IL1RAPL2: variants seen among roughly 807,000 people sequenced by gnomAD.
The protein encoded by IL1RAPL2 is X-linked interleukin-1 receptor accessory protein-like 2.
IL1RAPL2 carries 3 observed loss-of-function variants against 44.1 expected under a neutral mutation model. The observed-to-expected ratio is 0.07, with a 90% CI of 0.03 to 0.18. The LOEUF (loss-of-function observed/expected upper bound fraction) is 0.18. IL1RAPL2 is among the 10% of genes least tolerant of loss of function. The pLI is 1.00. For synonymous variants in IL1RAPL2, 181 were observed against 178.8 expected, an observed-to-expected ratio of 1.01 and a Z score of -0.10; for missense variants, 391 against 496.4, an observed-to-expected ratio of 0.79 and a Z score of 2.02.
At chrX:105,335,413 C>G (rs948549117) in intron 5 of IL1RAPL2, among the ~76,000 whole-genome samples, 2 of 111,262 alleles carry the variant, frequency 1.8e-5, no homozygotes, top group African/African-American at 6.5e-5. Flanking sequence ...CAGTGGGTCT[C>G]TCTGATGCAA....
At chrX:105,197,286 G>A (rs2059262832) in intron 3 of IL1RAPL2, among the ~76,000 whole-genome samples, 1 of 110,741 alleles carries the variant, frequency 9.0e-6, no homozygotes, top group Non-Finnish European at 1.9e-5. Context: ...ATTCCCTAGG[G>A]TGCTGCTACT....
chrX:104,652,619 G>C (rs1930173293), intron 1 of IL1RAPL2, among the ~76,000 whole-genome samples: 1 of 111,634 alleles, frequency 9.0e-6, no homozygotes, highest in Admixed American at 9.5e-5. Flanking sequence ...GATTCATTAA[G>C]TGTTTCAACT....
At chrX:105,761,132 TCA>T (rs1429561113) in intron 10 of IL1RAPL2, among the ~76,000 whole-genome samples, 1 of 96,440 alleles carries the variant, frequency 1.0e-5, no homozygotes, top group Non-Finnish European at 2.0e-5. Flanking sequence ...TGAGCCAAGA[TCA>T]CGCCACTGCA....
intron 2 of IL1RAPL2, among the ~76,000 whole-genome samples, chrX:105,039,592 C>T (rs915181404): frequency 1.8e-5 from 2 of 111,598 alleles, no homozygotes; most frequent in African/African-American, 6.5e-5. Context: ...AAAGAGAGGT[C>T]CTTCACGTCC....
At chrX:105,651,031 T>C (rs1405673798) in intron 6 of IL1RAPL2, among the ~76,000 whole-genome samples, 2 of 112,228 alleles carry the variant, frequency 1.8e-5, no homozygotes, top group African/African-American at 6.5e-5. Context: ...CTTAGGAACC[T>C]AGGCGGATAT....
At chrX:105,024,740 G>T (rs1350693783) in intron 2 of IL1RAPL2, among the ~76,000 whole-genome samples, 1 of 111,373 alleles carries the variant, frequency 9.0e-6, no homozygotes, top group African/African-American at 3.2e-5. Context: ...TAGCTTCTGG[G>T]AGATGTGTTG....
chrX:105,071,882 CT>C (rs1471255831), intron 2 of IL1RAPL2, among the ~76,000 whole-genome samples: 1 of 111,555 alleles, frequency 9.0e-6, no homozygotes, highest in African/African-American at 3.3e-5. Flanking sequence ...GTATCAAAGA[CT>C]TAAATATAAG....
At chrX:105,009,311 G>T (rs2031002514) in intron 2 of IL1RAPL2, among the ~76,000 whole-genome samples, 1 of 110,636 alleles carries the variant, frequency 9.0e-6, no homozygotes, top group Non-Finnish European at 1.9e-5. Context: ...TATGTTTATT[G>T]CAGCACTATT....
intron 2 of IL1RAPL2, among the ~76,000 whole-genome samples, chrX:104,929,512 C>T (rs1216471729): frequency 8.9e-6 from 1 of 111,778 alleles, no homozygotes; most frequent in African/African-American, 3.3e-5. Flanking sequence ...CACTGTCTTA[C>T]CTCAAGTGTC....
chrX:105,079,857 CA>C (rs1381710449), intron 2 of IL1RAPL2, among the ~76,000 whole-genome samples: 1 of 111,282 alleles, frequency 9.0e-6, no homozygotes, highest in African/African-American at 3.3e-5. Context: ...TCCTCTCCAG[CA>C]TCTGTTGTTT....
chrX:104,679,486 A>G (rs1335909780), intron 2 of IL1RAPL2, among the ~76,000 whole-genome samples: 1 of 112,207 alleles, frequency 8.9e-6, no homozygotes, highest in Non-Finnish European at 1.9e-5. Context: ...AACAAGGAAG[A>G]GAATAAACAG....
At chrX:105,680,245 C>T (rs898507020) in intron 6 of IL1RAPL2, among the ~76,000 whole-genome samples, 1 of 111,730 alleles carries the variant, frequency 9.0e-6, no homozygotes, top group Non-Finnish European at 1.9e-5. Flanking sequence ...GTGGTCCGCC[C>T]GCCTCGTCCT....
At chrX:104,991,344 T>C (rs987888544) in intron 2 of IL1RAPL2, among the ~76,000 whole-genome samples, 5 of 111,404 alleles carry the variant, frequency 4.5e-5, no homozygotes, top group Admixed American at 9.6e-5. Context: ...CAAAGGGAAA[T>C]TCAGAGGAGA....
chrX:105,640,077 T>C (rs1435346500), intron 6 of IL1RAPL2, among the ~76,000 whole-genome samples: 1 of 111,239 alleles, frequency 9.0e-6, no homozygotes, highest in Non-Finnish European at 1.9e-5. Context: ...ATCTATCTAT[T>C]TATTATTTTT....
At chrX:105,406,016 C>T in intron 5 of IL1RAPL2, 1 of 1,207,100 alleles carries the variant, frequency 8.3e-7, no homozygotes, top group Non-Finnish European at 1.1e-6. Flanking sequence ...TCCACACAGA[C>T]TGGCTGACAT....
chrX:105,338,263 C>T (rs1205103761), intron 5 of IL1RAPL2, among the ~76,000 whole-genome samples: 1 of 111,822 alleles, frequency 8.9e-6, no homozygotes, highest in African/African-American at 3.3e-5. Context: ...ATGTTACTGT[C>T]AGGATTGTAA....
At chrX:105,748,866 C>A in intron 8 of IL1RAPL2, 94 bp from the exon 9 acceptor site, 1 of 881,321 alleles carries the variant, frequency 1.1e-6, no homozygotes, top group Non-Finnish European at 1.6e-6. Flanking sequence ...GAAAGGAAAA[C>A]AGAATGTTAG....
Position 105,702,423 on chromosome X carries a change from G to T in IL1RAPL2, c.773-14944G>T, listed in dbSNP as rs762929645. 5.4e-5 allele frequency among the ~76,000 whole-genome samples: 6 copies of T among 110,269 alleles called. No individual in the cohort carries two copies. The East Asian group carries it at 1.8e-3, about 32-fold the overall frequency. ...TCACACAAGGCCAGCCAGAAAATTT[G>T]CAGTATGGTCACGGGCATTGCTTAT... On this transcript the variant is annotated intron_variant, in intron 6 of 10. Transcript: ENST00000372582.
intron 3 of IL1RAPL2, among the ~76,000 whole-genome samples, chrX:105,208,578 A>C (rs1457652297): frequency 9.0e-6 from 1 of 111,115 alleles, no homozygotes; most frequent in Admixed American, 9.6e-5. Context: ...GAGAAAAGCT[A>C]AGTGAGAGGG....
Sources: allele counts gnomAD v4.1 joint callset (sites outside exome capture counted in the v4.1 genomes callset), GRCh38; gene constraint gnomAD v4.1.1; transcripts MANE v1.5; gene names NCBI Gene and HGNC (gene_info 2026-07-23, HGNC 2026-07-21).